Variants in PDE3A observed in about 807,000 individuals in gnomAD.
PDE3A encodes cGMP-inhibited 3',5'-cyclic phosphodiesterase 3A.
PDE3A carries 43 observed loss-of-function variants against 98.3 expected under a neutral mutation model. The ratio of observed to expected loss-of-function variants is 0.44; its 90% CI spans 0.34 to 0.56. The LOEUF is 0.56. PDE3A is among the 20% of genes least tolerant of loss of function. The pLI is 0.01. For missense variants in PDE3A, 1,427 were observed against 1,440.7 expected, an observed-to-expected ratio of 0.99 and a Z score of 0.15; for synonymous variants, 663 against 567.9, an observed-to-expected ratio of 1.17 and a Z score of -2.38.
At chr12:20,427,155 G>A (rs1481072238) in intron 1 of PDE3A, among the ~76,000 whole-genome samples, 1 of 152,176 alleles carries the variant, frequency 6.6e-6, no homozygotes, top group Non-Finnish European at 1.5e-5. Context: ...ATGATTTCAT[G>A]CATGTCAGCA....
intron 1 of PDE3A, among the ~76,000 whole-genome samples, chr12:20,437,776 G>A (rs1009920816): frequency 6.6e-6 from 1 of 152,078 alleles, no homozygotes; most frequent in Non-Finnish European, 1.5e-5. Flanking sequence ...ATTTAGAGGG[G>A]TAAGATATCC....
At position 20,688,458 on chromosome 12, in the gene PDE3A, T is replaced by C. The variant is rs1946041830; in HGVS notation, c.*8187T>C. ...AGAATTACTGGAAGTGCCTCTTGGT[T>C]TTATATATATAATATATAAATATTA... On this transcript the variant is annotated 3_prime_UTR_variant, in exon 16 of 16. Transcript: ENST00000359062. Among the ~76,000 whole-genome samples the C allele has an allele frequency of 6.6e-6, 1 of 151,344 alleles. No individual in the cohort carries two copies. Among genetic ancestry groups the C allele is most frequent in the Non-Finnish European group, 1.5e-5 (1 of 67,836 alleles).
At position 20,544,256 on chromosome 12, in the gene PDE3A, G is replaced by A. The variant is rs1941996658; in HGVS notation, c.961-12404G>A. On this transcript the variant is annotated intron_variant, in intron 1 of 15. Transcript: ENST00000359062. ...GAAAGAATGCACACATGAATGAGTGGATGGGTGAATACAGAAATGAAAAAT... is the reference window on the plus strand; with the variant it reads ...GAAAGAATGCACACATGAATGAGTGAATGGGTGAATACAGAAATGAAAAAT... Among the ~76,000 whole-genome samples the A allele has an allele frequency of 2.0e-5, 3 of 150,904 alleles. No homozygotes were observed. The South Asian group carries it at 6.2e-4, about 31-fold the overall frequency.
At chr12:20,499,416 C>T (rs1218136282) in intron 1 of PDE3A, among the ~76,000 whole-genome samples, 1 of 151,916 alleles carries the variant, frequency 6.6e-6, no homozygotes, top group Non-Finnish European at 1.5e-5. Flanking sequence ...GTGGATTGTG[C>T]CCGAGGTTGT....
At chr12:20,674,270 A>G (rs1205259967) in intron 15 of PDE3A, among the ~76,000 whole-genome samples, 3 of 152,210 alleles carry the variant, frequency 2.0e-5, no homozygotes, top group Admixed American at 2.0e-4. Context: ...AAGAGGGACA[A>G]TTTGACTTCC....
chr12:20,466,523 A>G (rs1945342036), intron 1 of PDE3A, among the ~76,000 whole-genome samples: 1 of 152,156 alleles, frequency 6.6e-6, no homozygotes, highest in Non-Finnish European at 1.5e-5. Context: ...GTCATGAGTA[A>G]TACTTCGAAT....
At chr12:20,518,265 A>G (rs1946358455) in intron 1 of PDE3A, among the ~76,000 whole-genome samples, 1 of 152,168 alleles carries the variant, frequency 6.6e-6, no homozygotes, top group South Asian at 2.1e-4. Flanking sequence ...AATTTTTTGC[A>G]TGAATATATA....
intron 1 of PDE3A, among the ~76,000 whole-genome samples, chr12:20,550,263 G>A (rs1942163021): frequency 6.6e-6 from 1 of 152,132 alleles, no homozygotes; most frequent in Non-Finnish European, 1.5e-5. Flanking sequence ...GGATAACAGT[G>A]TTAATAGTCA....
chr12:20,628,211 C>T (rs1274927699), intron 5 of PDE3A, among the ~76,000 whole-genome samples: 1 of 152,088 alleles, frequency 6.6e-6, no homozygotes, highest in Non-Finnish European at 1.5e-5. Flanking sequence ...TAATTCACAG[C>T]AAACTTATAA....
chr12:20,678,370 C>G (rs766580529), intron 15 of PDE3A, among the ~76,000 whole-genome samples: 23 of 152,138 alleles, frequency 1.5e-4, no homozygotes, highest in Non-Finnish European at 3.1e-4. Flanking sequence ...TACCTACTCA[C>G]TCCATTGGTT....
intron 15 of PDE3A, among the ~76,000 whole-genome samples, chr12:20,668,732 AACC>A (rs1945389158): frequency 6.6e-6 from 1 of 150,968 alleles, no homozygotes; most frequent in Non-Finnish European, 1.5e-5. Context: ...AAGTAGATAA[AACC>A]ACAAAGATGG....
At position 20,534,106 on chromosome 12, in the gene PDE3A, G is replaced by A. The variant is rs548897133; in HGVS notation, c.961-22554G>A. 1.2e-3 allele frequency among the ~76,000 whole-genome samples: 178 copies of A among 152,168 alleles called. 1 individual carries two copies. The highest frequency in any genetic ancestry group is 2.3e-3 in the Non-Finnish European group (156 of 68,010). On this transcript the variant is annotated intron_variant, in intron 1 of 15. Transcript: ENST00000359062. ...ACCCTCTTCAACCTTCAAGCCACAC[G>A]TTATGCAGCCTTTCCTCGCACTGAG...
rs1945984510 is a variant in PDE3A at position 20,687,019 on chromosome 12, T to C, written c.*6748T>C. Among the ~76,000 whole-genome samples, 1 of 152,108 alleles carries C rather than the reference T, an allele frequency of 6.6e-6. No individual in the cohort carries two copies. Among genetic ancestry groups the C allele is most frequent in the African/African-American group, 2.4e-5 (1 of 41,436 alleles). On this transcript the variant is annotated 3_prime_UTR_variant, in exon 16 of 16. Transcript: ENST00000359062. ...ATGACAAGGAGCACTTATACATGTT[T>C]CCAAATGTGAATTAGCCCTTGAATT...
chr12:20,428,506 C>T (rs910485800), intron 1 of PDE3A, among the ~76,000 whole-genome samples: 25 of 152,226 alleles, frequency 1.6e-4, no homozygotes, highest in African/African-American at 5.3e-4. Flanking sequence ...TGGTCTCAAT[C>T]TCCTGACCTC....
intron 1 of PDE3A, among the ~76,000 whole-genome samples, chr12:20,399,839 A>G (rs981332758): frequency 6.6e-6 from 1 of 152,236 alleles, no homozygotes. Flanking sequence ...GTGTAACCAT[A>G]TATGACAAGG....
chr12:20,457,751 A>G (rs1037286649), intron 1 of PDE3A, among the ~76,000 whole-genome samples: 3 of 151,890 alleles, frequency 2.0e-5, no homozygotes, highest in South Asian at 4.1e-4. Flanking sequence ...AACTTGTAAC[A>G]TAATTAAATG....
intron 1 of PDE3A, among the ~76,000 whole-genome samples, chr12:20,459,354 T>A (rs1591954498): frequency 1.3e-5 from 2 of 152,112 alleles, no homozygotes; most frequent in African/African-American, 4.8e-5. Flanking sequence ...AACCCCATGG[T>A]CCTCCTACTA....
chr12:20,483,310 A>G (rs11045278), intron 1 of PDE3A, among the ~76,000 whole-genome samples: 1,885 of 152,044 alleles, frequency 0.012, 41 homozygotes, highest in African/African-American at 0.043. Context: ...AATTGTTTGA[A>G]CCCCGGAGGC....
intron 1 of PDE3A, among the ~76,000 whole-genome samples, chr12:20,502,950 C>T (rs1946049991): frequency 6.6e-6 from 1 of 152,054 alleles, no homozygotes; most frequent in South Asian, 2.1e-4. Context: ...GATATTTAAT[C>T]TTTCTAAGTC....
Sources: allele counts gnomAD v4.1 joint callset (sites outside exome capture counted in the v4.1 genomes callset), GRCh38; gene constraint gnomAD v4.1.1; transcripts MANE v1.5; gene names NCBI Gene and HGNC (gene_info 2026-07-23, HGNC 2026-07-21).